Variants in ROBO2 observed in about 807,000 individuals in gnomAD.
The protein encoded by ROBO2 is roundabout homolog 2.
Under a neutral mutation model 160.8 loss-of-function variants are expected in ROBO2, and 53 were observed. The ratio of observed to expected loss-of-function variants is 0.33; its 90% CI spans 0.26 to 0.41. The LOEUF is 0.41. Ranked by LOEUF, ROBO2 falls within the 10% of genes least tolerant of loss-of-function variation. ROBO2 has a pLI of 1.00. For missense variants in ROBO2, 1,577 were observed against 1,722.4 expected, an observed-to-expected ratio of 0.92 and a Z score of 1.49; for synonymous variants, 664 against 611.7, an observed-to-expected ratio of 1.09 and a Z score of -1.26.
At chr3:76,579,078 T>C (rs1334190079) in intron 2 of ROBO2, among the ~76,000 whole-genome samples, 1 of 152,188 alleles carries the variant, frequency 6.6e-6, no homozygotes, top group African/African-American at 2.4e-5. Context: ...TTTGGATTTC[T>C]TCCTGGACCA....
At chr3:76,753,507 A>G (rs139536998) in intron 2 of ROBO2, among the ~76,000 whole-genome samples, 2 of 151,962 alleles carry the variant, frequency 1.3e-5, no homozygotes, top group East Asian at 3.9e-4. Context: ...TAACAGATGA[A>G]TTTTGTCAAA....
intron 2 of ROBO2, among the ~76,000 whole-genome samples, chr3:76,401,521 G>A (rs1433510528): frequency 6.6e-6 from 1 of 151,542 alleles, no homozygotes; most frequent in African/African-American, 2.4e-5. Flanking sequence ...CAAAGGCAAT[G>A]AAGGTGATAA....
At chr3:76,974,241 T>C (rs2059707082) in intron 2 of ROBO2, among the ~76,000 whole-genome samples, 1 of 152,240 alleles carries the variant, frequency 6.6e-6, no homozygotes, top group African/African-American at 2.4e-5. Context: ...ACAGCCTTGA[T>C]ACATATTACA....
chr3:77,407,005 A>C (rs1339919013), intron 2 of ROBO2, among the ~76,000 whole-genome samples: 1 of 152,136 alleles, frequency 6.6e-6, no homozygotes. Flanking sequence ...CTCTTTTTAT[A>C]TATAGATATA....
chr3:77,150,812 C>T lies in ROBO2; in HGVS notation c.388+52472C>T, dbSNP rs370430178. ...GACAATTTGGTTGTGTATTATAAAG[C>T]AAAGCAAATAAAACAAAAATGGATG... On this transcript the variant is annotated intron_variant, in intron 2 of 25. Coordinates refer to ENST00000461745, the Ensembl canonical transcript of ROBO2. Among the ~76,000 whole-genome samples the T allele has an allele frequency of 6.4e-4, 97 of 151,220 alleles. 1 individual carries two copies. The highest frequency in any genetic ancestry group is 2.1e-3 in the African/African-American group (88 of 41,214).
chr3:76,080,202 C>A (rs1197288760), intron 2 of ROBO2, among the ~76,000 whole-genome samples: 1 of 152,126 alleles, frequency 6.6e-6, no homozygotes, highest in African/African-American at 2.4e-5. Flanking sequence ...GACGAAAACA[C>A]CCCTGCCTGA....
At chr3:76,759,233 A>T (rs1417451974) in intron 2 of ROBO2, among the ~76,000 whole-genome samples, 1 of 151,842 alleles carries the variant, frequency 6.6e-6, no homozygotes, top group East Asian at 2.0e-4. Context: ...ACTGGAAGTC[A>T]TCTTTAATTT....
At chr3:76,978,627 TCC>T (rs2059926316) in intron 2 of ROBO2, among the ~76,000 whole-genome samples, 1 of 152,014 alleles carries the variant, frequency 6.6e-6, no homozygotes, top group South Asian at 2.1e-4. Context: ...AAGGACATTC[TCC>T]AGGCTCTGAA....
chr3:76,017,464 A>C (rs148213350), intron 2 of ROBO2, among the ~76,000 whole-genome samples: 2 of 152,166 alleles, frequency 1.3e-5, no homozygotes, highest in Non-Finnish European at 2.9e-5. Flanking sequence ...CCTAAAGAGC[A>C]TCTGTCTCCT....
At chr3:77,249,975 A>C (rs1379623366) in intron 2 of ROBO2, among the ~76,000 whole-genome samples, 1 of 152,050 alleles carries the variant, frequency 6.6e-6, no homozygotes, top group Non-Finnish European at 1.5e-5. Context: ...CATCCAAAGT[A>C]ATTTTTTTCT....
rs529021904 is a variant in ROBO2 at position 77,337,337 on chromosome 3, T to C, written c.389-140077T>C. Among the ~76,000 whole-genome samples, 509 of 152,256 alleles carry C rather than the reference T, an allele frequency of 3.3e-3. 5 individuals are homozygous for C. Among genetic ancestry groups the C allele is most frequent in the African/African-American group, 0.012 (493 of 41,560 alleles). On this transcript the variant is annotated intron_variant, in intron 2 of 25. Coordinates refer to ENST00000461745, the Ensembl canonical transcript of ROBO2. ...AACCTTTGCCCTAAGAAAAATGGCA[T>C]CTCTTCCTCAAGATTAGCCCCCAAA...
chr3:76,469,453 C>T (rs561374185), intron 2 of ROBO2, among the ~76,000 whole-genome samples: 19 of 152,094 alleles, frequency 1.2e-4, no homozygotes, highest in Middle Eastern at 3.4e-3. Flanking sequence ...TGATGAGTTC[C>T]ACATCCTATT....
chr3:76,417,681 T>C (rs2075810685), intron 2 of ROBO2, among the ~76,000 whole-genome samples: 1 of 152,010 alleles, frequency 6.6e-6, no homozygotes, highest in Admixed American at 6.5e-5. Context: ...GAATAGGCAA[T>C]AGAATTTCCA....
At chr3:76,147,448 CTT>C (rs2071957154) in intron 2 of ROBO2, among the ~76,000 whole-genome samples, 1 of 151,668 alleles carries the variant, frequency 6.6e-6, no homozygotes, top group Non-Finnish European at 1.5e-5. Flanking sequence ...ATATTACAAT[CTT>C]TATTTATAAA....
chr3:77,180,416 C>CTCTCTCTCTATATATATATATATA lies in ROBO2; in HGVS notation c.388+82077_388+82078insCTCTCTCTATATATATATATATAT, dbSNP rs1433740534. Among the ~76,000 whole-genome samples, 486 of 90,500 alleles carry CTCTCTCTCTATATATATATATATA rather than the reference C, an allele frequency of 5.4e-3. 7 individuals carry two copies. The highest frequency in any genetic ancestry group is 0.02 in the Middle Eastern group (2 of 98). 59.4% of individuals were successfully genotyped at this position (90,500 alleles called of 152,430 possible). ...TCTCTCTCTCTCTCTCTCTCTCTCTCTATATATATATATATGTATTTTTTT... is the reference window on the plus strand; with the variant it reads ...TCTCTCTCTCTCTCTCTCTCTCTCTCTCTCTCTCTATATATATATATATATATATATATATATATGTATTTTTTT... On this transcript the variant is annotated intron_variant, in intron 2 of 25. Coordinates refer to ENST00000461745, the Ensembl canonical transcript of ROBO2.
rs117100224 is a variant in ROBO2 at position 76,487,986 on chromosome 3, C to T, written c.109+550384C>T. Among the ~76,000 whole-genome samples the T allele has an allele frequency of 1.7e-4, 26 of 152,204 alleles. No homozygotes were observed. The East Asian group carries it at 5.0e-3, about 30-fold the overall frequency. On this transcript the variant is annotated intron_variant, in intron 2 of 26. Coordinates refer to the ROBO2 transcript ENST00000487694. The stretch of plus-strand genomic sequence containing the variant: ...ACAGAAGTGACATCATTACCTTTGC[C>T]ATATTCTACCATTAGAAGCAAGTCT...
intron 7 of ROBO2, 108 bp from the exon 9 acceptor site, chr3:77,550,710 C>A: frequency 9.0e-7 from 1 of 1,115,752 alleles, no homozygotes; most frequent in Non-Finnish European, 1.3e-6. Flanking sequence ...ATATTTTAAT[C>A]TGTGTATTTT....
intron 2 of ROBO2, among the ~76,000 whole-genome samples, chr3:76,511,951 C>T (rs1284202938): frequency 6.6e-6 from 1 of 152,076 alleles, no homozygotes; most frequent in Non-Finnish European, 1.5e-5. Context: ...TCAAGTTGAG[C>T]ATGACCATAA....
At chr3:77,442,823 T>C (rs1210006737) in intron 2 of ROBO2, among the ~76,000 whole-genome samples, 2 of 152,198 alleles carry the variant, frequency 1.3e-5, no homozygotes, top group African/African-American at 4.8e-5. Flanking sequence ...GACTTTCCCA[T>C]ATAAAGTTTC....
Sources: gnomAD v4.1 joint callset for allele counts (sites outside exome capture counted in the v4.1 genomes callset) on GRCh38, gnomAD v4.1.1 for gene constraint, MANE v1.5 for transcripts, NCBI Gene and HGNC (gene_info 2026-07-23, HGNC 2026-07-21) for gene names.